Variants in LHFPL3 observed in about 807,000 individuals in gnomAD.
The protein encoded by LHFPL3 is LHFPL tetraspan subfamily member 3 protein.
In LHFPL3, 5 loss-of-function variants were observed where a neutral mutation model predicts 19.3. The observed-to-expected ratio is 0.26, with a 90% CI of 0.14 to 0.54. The LOEUF (loss-of-function observed/expected upper bound fraction) is 0.54. Among genes scored for constraint, LHFPL3 ranks in the 20% least tolerant of loss-of-function variants. The pLI, the probability that LHFPL3 is intolerant of heterozygous loss-of-function variation, is 0.94. For missense variants in LHFPL3, 249 were observed against 307.4 expected, an observed-to-expected ratio of 0.81 and a Z score of 1.42; for synonymous variants, 133 against 126.2, an observed-to-expected ratio of 1.05 and a Z score of -0.36.
intron 1 of LHFPL3, among the ~76,000 whole-genome samples, chr7:104,598,510 A>G (rs889982107): frequency 3.3e-5 from 5 of 152,250 alleles, no homozygotes; most frequent in Non-Finnish European, 7.3e-5. Context: ...AAGTAAAATC[A>G]TAGCAGTGAA....
chr7:104,435,383 C>G (rs4730013), intron 1 of LHFPL3, among the ~76,000 whole-genome samples: 81 of 151,826 alleles, frequency 5.3e-4, no homozygotes, highest in South Asian at 1.5e-3. Context: ...CTCAAGTGAT[C>G]TCCTTGCCTG....
At chr7:104,385,958 A>C (rs1225292789) in intron 1 of LHFPL3, among the ~76,000 whole-genome samples, 1 of 152,142 alleles carries the variant, frequency 6.6e-6, no homozygotes, top group Non-Finnish European at 1.5e-5. Flanking sequence ...AAAAATCATC[A>C]AAATCAATTT....
At chr7:104,373,743 A>G (rs1167596010) in intron 1 of LHFPL3, among the ~76,000 whole-genome samples, 2 of 152,146 alleles carry the variant, frequency 1.3e-5, no homozygotes, top group African/African-American at 4.8e-5. Flanking sequence ...GAGGTGATAG[A>G]TGACAGATGT....
chr7:104,615,286 T>C (rs1480217112), intron 1 of LHFPL3, among the ~76,000 whole-genome samples: 1 of 152,232 alleles, frequency 6.6e-6, no homozygotes, highest in African/African-American at 2.4e-5. Context: ...TTAAAACATT[T>C]GTACTAATGC....
At chr7:104,848,966 T>C (rs1023724719) in intron 2 of LHFPL3, among the ~76,000 whole-genome samples, 2 of 151,920 alleles carry the variant, frequency 1.3e-5, no homozygotes, top group East Asian at 1.9e-4. Context: ...GTTTGTCAGA[T>C]TGCCAGGCTG....
At chr7:104,338,716 G>A (rs1394241393) in intron 1 of LHFPL3, among the ~76,000 whole-genome samples, 1 of 151,928 alleles carries the variant, frequency 6.6e-6, no homozygotes, top group African/African-American at 2.4e-5. Context: ...TATTGCTAAT[G>A]TATTATCCCC....
intron 1 of LHFPL3, among the ~76,000 whole-genome samples, chr7:104,492,986 T>C (rs1022879203): frequency 6.6e-6 from 1 of 152,220 alleles, no homozygotes; most frequent in Non-Finnish European, 1.5e-5. Flanking sequence ...CTTCACTGTA[T>C]CTTTCAAGCA....
In LHFPL3 at chr7:104,440,358, G is replaced by A. The variant is rs528002039; in HGVS notation, c.445+111134G>A. Among the ~76,000 whole-genome samples, 8 of 150,054 alleles carry A rather than the reference G, an allele frequency of 5.3e-5. No homozygotes were observed. The South Asian group carries it at 1.7e-3, about 32-fold the overall frequency. ...ATGTTCTCACTCATAGGTGGGAATC[G>A]AACAATGAGAATACTTGGACACAGG... On this transcript the variant is annotated intron_variant, in intron 1 of 2. Transcript: ENST00000424859.
chr7:104,759,717 C>T (rs1007803192), intron 2 of LHFPL3: 7 of 152,046 alleles, frequency 4.6e-5, no homozygotes, highest in South Asian at 2.1e-4. Context: ...TGGATTTTTC[C>T]GCAGAAGTTC....
chr7:104,442,248 T>C (rs1367881294), intron 1 of LHFPL3, among the ~76,000 whole-genome samples: 1 of 152,000 alleles, frequency 6.6e-6, no homozygotes. Context: ...TCTGGTCTTT[T>C]TTTTTTTGCT....
chr7:104,736,969 C>G (rs540977049), intron 2 of LHFPL3, 58 bp downstream of exon 2: 60 of 1,348,176 alleles, frequency 4.5e-5, no homozygotes, highest in African/African-American at 1.2e-4. Context: ...AAATGGTGCT[C>G]TCCATTCTTT....
At chr7:104,393,632 C>A (rs1268472979) in intron 1 of LHFPL3, among the ~76,000 whole-genome samples, 2 of 152,190 alleles carry the variant, frequency 1.3e-5, no homozygotes, top group African/African-American at 4.8e-5. Context: ...AAGAGAATCA[C>A]TTAAACCTGG....
chr7:104,465,092 C>A (rs1476920903), intron 1 of LHFPL3, among the ~76,000 whole-genome samples: 2 of 152,162 alleles, frequency 1.3e-5, no homozygotes, highest in Non-Finnish European at 1.5e-5. Flanking sequence ...CAAAATGCCA[C>A]CAGTCTTTTT....
At chr7:104,776,827 T>A (rs1470091321) in intron 2 of LHFPL3, among the ~76,000 whole-genome samples, 1 of 152,166 alleles carries the variant, frequency 6.6e-6, no homozygotes, top group Non-Finnish European at 1.5e-5. Flanking sequence ...GGTAACAAAC[T>A]CTACATTGTA....
chr7:104,436,366 G>A (rs6957611), intron 1 of LHFPL3, among the ~76,000 whole-genome samples: 59,627 of 151,850 alleles, frequency 0.39, 14,221 homozygotes, highest in African/African-American at 0.66. Context: ...CTTGCTTTTC[G>A]TGGAAAGAAA....
chr7:104,781,382 C>T (rs1794712689), intron 2 of LHFPL3, among the ~76,000 whole-genome samples: 1 of 152,102 alleles, frequency 6.6e-6, no homozygotes, highest in Non-Finnish European at 1.5e-5. Context: ...TTTTTCCCAT[C>T]TCTCCTGTCA....
intron 1 of LHFPL3, among the ~76,000 whole-genome samples, chr7:104,494,866 C>T (rs967087500): frequency 6.6e-6 from 1 of 152,070 alleles, no homozygotes; most frequent in African/African-American, 2.4e-5. Context: ...TCACACAACC[C>T]CCAGCTGGGG....
At chr7:104,547,467 G>A (rs1215037526) in intron 1 of LHFPL3, among the ~76,000 whole-genome samples, 1 of 152,106 alleles carries the variant, frequency 6.6e-6, no homozygotes, top group Non-Finnish European at 1.5e-5. Context: ...GAGAATTATA[G>A]AGTATGAGTA....
chr7:104,674,087 T>C (rs1415147431), intron 1 of LHFPL3, among the ~76,000 whole-genome samples: 1 of 107,196 alleles, frequency 9.3e-6, no homozygotes, highest in East Asian at 2.1e-4. Flanking sequence ...ATTTGCTGCA[T>C]GATTTTTTTT....
Sources: gnomAD v4.1 joint callset for allele counts (sites outside exome capture counted in the v4.1 genomes callset) on GRCh38, gnomAD v4.1.1 for gene constraint, MANE v1.5 for transcripts, NCBI Gene and HGNC (gene_info 2026-07-23, HGNC 2026-07-21) for gene names.